Variants in PLA2G4A observed in about 807,000 individuals in gnomAD.
PLA2G4A encodes the protein cytosolic phospholipase A2.
PLA2G4A carries 40 observed loss-of-function variants against 81.9 expected under a neutral mutation model. That is an observed-to-expected ratio of 0.49 (90% CI 0.38 to 0.64). PLA2G4A has a LOEUF of 0.64. Ranked by LOEUF, PLA2G4A falls within the 30% of genes least tolerant of loss-of-function variation. PLA2G4A has a pLI of 0.00. For synonymous variants in PLA2G4A, 302 were observed against 296.9 expected, an observed-to-expected ratio of 1.02 and a Z score of -0.18; for missense variants, 715 against 905.1, an observed-to-expected ratio of 0.79 and a Z score of 2.69.
chr1:186,971,291 C>G (rs1050484978), intron 15 of PLA2G4A, among the ~76,000 whole-genome samples: 2 of 151,896 alleles, frequency 1.3e-5, no homozygotes, highest in Admixed American at 1.3e-4. Context: ...ATTTTAATAA[C>G]TGTAGCTTTA....
intron 5 of PLA2G4A, among the ~76,000 whole-genome samples, chr1:186,905,848 A>T (rs752045518): frequency 7.2e-5 from 11 of 152,204 alleles, no homozygotes; most frequent in Non-Finnish European, 1.5e-4. Context: ...TTTTGTATAG[A>T]TGTTTTCAAT....
At chr1:186,839,114 C>A (rs1651888454) in intron 1 of PLA2G4A, among the ~76,000 whole-genome samples, 1 of 152,124 alleles carries the variant, frequency 6.6e-6, no homozygotes, top group Admixed American at 6.5e-5. Context: ...CTCATAAATC[C>A]TCTTCACATA....
chr1:186,911,400 A>C lies in PLA2G4A; in HGVS notation c.558+11A>C. On this transcript the variant is annotated intron_variant, in intron 7 of 17. Transcript: ENST00000367466. ...CATTCTGCACGTGATGTGAGTTGGAAATTTTTCAAGTGTTACTATACTTTA... is the reference window on the plus strand; with the variant it reads ...CATTCTGCACGTGATGTGAGTTGGACATTTTTCAAGTGTTACTATACTTTA... 2 of 1,598,724 alleles carry C rather than the reference A, an allele frequency of 1.3e-6. No individual in the cohort carries two copies.
chr1:186,875,170 T>C (rs917484681), intron 3 of PLA2G4A, among the ~76,000 whole-genome samples: 6 of 152,104 alleles, frequency 3.9e-5, no homozygotes, highest in Non-Finnish European at 8.8e-5. Context: ...TTCTAGTTTA[T>C]GTTTGCTTAC....
At chr1:186,975,699 T>A (rs1028015959) in intron 15 of PLA2G4A, among the ~76,000 whole-genome samples, 3 of 152,212 alleles carry the variant, frequency 2.0e-5, no homozygotes, top group Non-Finnish European at 4.4e-5. Flanking sequence ...TGTTTGTTCG[T>A]TCCTCATTAT....
intron 1 of PLA2G4A, among the ~76,000 whole-genome samples, chr1:186,833,402 A>G (rs537761513): frequency 6.6e-6 from 1 of 152,158 alleles, no homozygotes; most frequent in South Asian, 2.1e-4. Flanking sequence ...TCTTATTAAA[A>G]AGAAAAGTTT....
chr1:186,981,532 T>C (rs1377975094), intron 17 of PLA2G4A, among the ~76,000 whole-genome samples: 3 of 152,214 alleles, frequency 2.0e-5, no homozygotes, highest in African/African-American at 7.2e-5. Flanking sequence ...TTAGCAGTTT[T>C]AAAAATATGT....
At chr1:186,941,031 A>C (rs543840791) in intron 10 of PLA2G4A, among the ~76,000 whole-genome samples, 4 of 150,096 alleles carry the variant, frequency 2.7e-5, no homozygotes, top group Admixed American at 2.0e-4. Context: ...AATGGCATGA[A>C]CTCGGGAGAC....
At chr1:186,849,702 G>T (rs1652307389) in intron 1 of PLA2G4A, among the ~76,000 whole-genome samples, 1 of 151,938 alleles carries the variant, frequency 6.6e-6, no homozygotes, top group African/African-American at 2.4e-5. Flanking sequence ...CTTTGTTTCT[G>T]CATTTTACTT....
intron 10 of PLA2G4A, among the ~76,000 whole-genome samples, chr1:186,945,613 G>A (rs938141423): frequency 6.6e-6 from 1 of 152,132 alleles, no homozygotes; most frequent in Non-Finnish European, 1.5e-5. Flanking sequence ...AGAGCCTACA[G>A]CACTTGATTT....
intron 6 of PLA2G4A, among the ~76,000 whole-genome samples, chr1:186,909,081 C>A (rs565318180): frequency 6.9e-5 from 10 of 143,956 alleles, no homozygotes; most frequent in African/African-American, 2.6e-4. Flanking sequence ...TCACGCCATT[C>A]TCCTGCCTCA....
At chr1:186,868,920 T>G (rs536490140) in intron 2 of PLA2G4A, among the ~76,000 whole-genome samples, 1 of 151,310 alleles carries the variant, frequency 6.6e-6, no homozygotes, top group East Asian at 1.9e-4. Context: ...CTCTCTCTCA[T>G]CCTTTTTTTT....
intron 1 of PLA2G4A, among the ~76,000 whole-genome samples, chr1:186,848,260 A>G (rs1399097562): frequency 6.6e-6 from 1 of 152,198 alleles, no homozygotes; most frequent in Non-Finnish European, 1.5e-5. Flanking sequence ...AAGCCAAGAG[A>G]TCACAAAACC....
Position 186,932,909 on chromosome 1 carries a change from C to T in PLA2G4A, c.695+10C>T. ...TTTCTGGCTCCACCTGGTTAGTATA[C>T]ATTTTTAATTTTAGTTTTATAACTT... On this transcript the variant is annotated intron_variant, in intron 8 of 17. Transcript: ENST00000367466. The T allele has an allele frequency of 6.3e-7, 1 of 1,595,932 alleles. No individual in the cohort carries two copies. The highest frequency in any genetic ancestry group is 1.1e-5 in the South Asian group (1 of 90,520).
rs74689248 is a variant in PLA2G4A at position 186,937,504 on chromosome 1, T to C, written c.696-1504T>C. On this transcript the variant is annotated intron_variant, in intron 8 of 17. Transcript: ENST00000367466. ...TGAGCAAGTCTATTTGATTTATCAT[T>C]ATCACATGTTGAGGGAACTGTTTCA... Among the ~76,000 whole-genome samples, 590 of 152,152 alleles carry C rather than the reference T, an allele frequency of 3.9e-3. 5 individuals carry two copies. The highest frequency in any genetic ancestry group is 0.014 in the African/African-American group (564 of 41,566).
intron 13 of PLA2G4A, among the ~76,000 whole-genome samples, chr1:186,952,572 T>C (rs1185230067): frequency 6.7e-6 from 1 of 149,740 alleles, no homozygotes; most frequent in Non-Finnish European, 1.5e-5. Context: ...TTATTATCAG[T>C]CAAAGTCCAT....
chr1:186,934,467 T>C (rs60633263), intron 8 of PLA2G4A, among the ~76,000 whole-genome samples: 45,130 of 143,360 alleles, frequency 0.31, 10,341 homozygotes, highest in African/African-American at 0.6. Flanking sequence ...TATATATACA[T>C]ACACAGAGAG....
intron 1 of PLA2G4A, among the ~76,000 whole-genome samples, chr1:186,829,285 G>A (rs926155593): frequency 1.3e-5 from 2 of 152,178 alleles, no homozygotes; most frequent in Non-Finnish European, 2.9e-5. Flanking sequence ...AAAGATTAAG[G>A]TGTTTCTTTG....
At chr1:186,937,253 A>AGAGAG (rs67366503) in intron 8 of PLA2G4A, among the ~76,000 whole-genome samples, 11,964 of 149,196 alleles carry the variant, frequency 0.08, 608 homozygotes, top group Middle Eastern at 0.12. Flanking sequence ...GAGACGGGAA[A>AGAGAG]AGAGAGAGAG....
Sources: gnomAD v4.1 joint callset for allele counts (sites outside exome capture counted in the v4.1 genomes callset) on GRCh38, gnomAD v4.1.1 for gene constraint, MANE v1.5 for transcripts, NCBI Gene and HGNC (gene_info 2026-07-23, HGNC 2026-07-21) for gene names.